PCDHGA1: variants seen among roughly 807,000 people sequenced by gnomAD.
PCDHGA1 encodes protocadherin gamma-A1.
PCDHGA1 carries 32 observed loss-of-function variants against 58.0 expected under a neutral mutation model. The ratio of observed to expected loss-of-function variants is 0.55; its 90% CI spans 0.42 to 0.74. The LOEUF is 0.74. PCDHGA1 is among the 30% of genes least tolerant of loss of function. PCDHGA1 has a pLI of 0.00. For missense variants in PCDHGA1, 1,205 were observed against 1,182.3 expected (o/e 1.02, Z -0.28); for synonymous variants, 498 against 501.1 (o/e 0.99, Z 0.08).
intron 1 of PCDHGA1, chr5:141,361,665 G>C: frequency 1.2e-6 from 2 of 1,613,696 alleles, no homozygotes; most frequent in Non-Finnish European, 1.7e-6. Context: ...TGAGCGCGCA[G>C]AGCGGGGTGG....
intron 1 of PCDHGA1, among the ~76,000 whole-genome samples, chr5:141,401,282 C>T (rs963741934): frequency 2.6e-5 from 4 of 151,884 alleles, no homozygotes; most frequent in Non-Finnish European, 4.4e-5. Flanking sequence ...GTGGAGGTTG[C>T]GGTGAGCCGA....
intron 1 of PCDHGA1, among the ~76,000 whole-genome samples, chr5:141,470,537 A>G (rs189730495): frequency 1.3e-5 from 2 of 152,256 alleles, no homozygotes; most frequent in Non-Finnish European, 2.9e-5. Context: ...TGTATCAGGT[A>G]ATATTTATTG....
At chr5:141,389,582 T>C (rs1266016569) in intron 1 of PCDHGA1, 2 of 1,613,146 alleles carry the variant, frequency 1.2e-6, no homozygotes, top group Non-Finnish European at 1.7e-6. Context: ...CCGCGCTGGG[T>C]CCCGACGGCT....
At chr5:141,394,785 G>C in intron 1 of PCDHGA1, 2 of 1,613,722 alleles carry the variant, frequency 1.2e-6, no homozygotes, top group South Asian at 2.2e-5. Flanking sequence ...CTCCGCCACT[G>C]TCACGCTCAC....
chr5:141,398,975 G>A, intron 1 of PCDHGA1: 2 of 1,613,926 alleles, frequency 1.2e-6, no homozygotes, highest in Middle Eastern at 1.6e-4. Context: ...TCCTTCTACA[G>A]AACCGGGCAA....
Position 141,491,590 on chromosome 5 carries a change from G to A in PCDHGA1, c.2422-3217G>A, listed in dbSNP as rs376104513. ...GACGTGCTTTTCACCGGCCTCGGAC[G>A]GCAGTGACTTCACTTTTCTAAGACC... On this transcript the variant is annotated intron_variant, in intron 1 of 3. Transcript: ENST00000517417. The surrounding 1 kb of genome is among the most constrained non-coding windows in gnomAD (Gnocchi z 6.9). 15 of 1,613,828 alleles carry A rather than the reference G, an allele frequency of 9.3e-6. No homozygotes were observed. In the African/African-American group the frequency reaches 2.0e-4, roughly 22 times the overall value.
chr5:141,393,731 T>C (rs1268576228), intron 1 of PCDHGA1: 1 of 1,613,754 alleles, frequency 6.2e-7, no homozygotes, highest in Non-Finnish European at 8.5e-7. Context: ...TAGCAAAAAG[T>C]CTAGATTATG....
intron 1 of PCDHGA1, among the ~76,000 whole-genome samples, chr5:141,443,726 TAC>T: frequency 6.6e-6 from 1 of 152,262 alleles, no homozygotes; most frequent in Admixed American, 6.5e-5. Flanking sequence ...AAATTCCTCA[TAC>T]ATTTCCCTAT....
chr5:141,370,889 T>C, intron 1 of PCDHGA1: 4 of 1,614,040 alleles, frequency 2.5e-6, no homozygotes, highest in Non-Finnish European at 3.4e-6. Context: ...TAGGTGTCAA[T>C]TCGCTGCAGC....
intron 1 of PCDHGA1, among the ~76,000 whole-genome samples, chr5:141,467,008 A>AT (rs1165146249): frequency 6.7e-6 from 1 of 150,270 alleles, no homozygotes; most frequent in Non-Finnish European, 1.5e-5. Context: ...TTGCAATGCA[A>AT]TTTTTTTCCC....
intron 1 of PCDHGA1, chr5:141,419,126 G>A: frequency 6.2e-7 from 1 of 1,613,770 alleles, no homozygotes; most frequent in Non-Finnish European, 8.5e-7. Context: ...CGTCACCATC[G>A]CAGCCACAGA....
At position 141,355,369 on chromosome 5, in the gene PCDHGA1, C is replaced by T. The variant is rs1339855222; in HGVS notation, c.2421+22264C>T. The T allele has an allele frequency of 3.1e-6, 5 of 1,613,922 alleles. No homozygotes were observed. The African/African-American group carries it at 5.3e-5, about 17-fold the overall frequency. On this transcript the variant is annotated intron_variant, in intron 1 of 3. Coordinates refer to ENST00000517417, the MANE Select transcript of PCDHGA1 (RefSeq NM_018912.3). The stretch of plus-strand genomic sequence containing the variant: ...CGCCAAGGACCTGGGGTTGGCGCCC[C>T]GGGAGCTGGCGGAGCGCGGAGTCCG...
chr5:141,410,103 A>G, intron 1 of PCDHGA1: 1 of 1,612,622 alleles, frequency 6.2e-7, no homozygotes, highest in South Asian at 1.1e-5. Flanking sequence ...GCCTTAGGCG[A>G]CAGGGACGCA....
rs1309405328 is a variant in PCDHGA1 at position 141,330,877 on chromosome 5, C to G, written c.193C>G (p.Arg65Gly). ...CCAGGAGCTGGCAGATGGCGGAGTC[C>G]GCATCGTCTCCAGAGGTAGGATGCC... ...QPQELADGGVRIVSRGRMPLF... is the reference protein window; with the variant it reads ...QPQELADGGVGIVSRGRMPLF... Residue 65 changes from arginine (R) to glycine (G), a missense_variant, in exon 1 of 4, where the codon CGC becomes GGC. Transcript: ENST00000517417. 1 of 1,614,198 alleles carries G rather than the reference C, an allele frequency of 6.2e-7. No individual in the cohort carries two copies. The highest frequency in any genetic ancestry group is 8.5e-7 in the Non-Finnish European group (1 of 1,180,038).
rs371173445 is a variant in PCDHGA1 at position 141,383,743 on chromosome 5, C to A, written c.2421+50638C>A. ...CAATGGGGAAGTGACATATTCTTTT[C>A]GGAAAATAACTCCTAAACTTCCAAA... On this transcript the variant is annotated intron_variant, in intron 1 of 3. Transcript: ENST00000517417. 2.0e-5 allele frequency: 32 copies of A among 1,613,922 alleles called. No individual in the cohort carries two copies. The South Asian group carries it at 3.3e-4, about 17-fold the overall frequency.
At chr5:141,345,006 C>T (rs371882850) in intron 1 of PCDHGA1, 1 of 1,613,726 alleles carries the variant, frequency 6.2e-7, no homozygotes, top group Non-Finnish European at 8.5e-7. Flanking sequence ...ACAGGATGGA[C>T]CAGGTCTTCT....
Position 141,438,011 on chromosome 5 carries a change from G to T in PCDHGA1, c.2422-56796G>T, listed in dbSNP as rs189978786. On this transcript the variant is annotated intron_variant, in intron 1 of 3. Coordinates refer to ENST00000517417, the MANE Select transcript of PCDHGA1 (RefSeq NM_018912.3). ...CCACCTCAGCCTCCCAAATAGCTGAGATTACAGGTGTGAGCCACCATGCCC... is the reference window on the plus strand; with the variant it reads ...CCACCTCAGCCTCCCAAATAGCTGATATTACAGGTGTGAGCCACCATGCCC... 2.8e-3 allele frequency among the ~76,000 whole-genome samples: 432 copies of T among 152,220 alleles called. 1 individual carries two copies. The highest frequency in any genetic ancestry group is 0.021 in the Admixed American group (318 of 15,288).
chr5:141,419,259 C>G, intron 1 of PCDHGA1: 4 of 1,614,016 alleles, frequency 2.5e-6, no homozygotes, highest in Non-Finnish European at 2.5e-6. Context: ...AACAACCAGC[C>G]GGGTGCCTCC....
intron 1 of PCDHGA1, chr5:141,414,917 T>A: frequency 6.2e-7 from 1 of 1,614,148 alleles, no homozygotes; most frequent in Non-Finnish European, 8.5e-7. Context: ...GGCGTGGAGC[T>A]GGCGCCCCGC....
Sources: allele counts gnomAD v4.1 joint callset (sites outside exome capture counted in the v4.1 genomes callset), GRCh38; gene constraint gnomAD v4.1.1; non-coding constraint Gnocchi (gnomAD v3.1); transcripts MANE v1.5; gene names NCBI Gene and HGNC (gene_info 2026-07-23, HGNC 2026-07-21).